BCL2: variants seen among roughly 807,000 people sequenced by gnomAD.
The protein encoded by BCL2 is apoptosis regulator Bcl-2.
A neutral mutation model predicts 14.2 loss-of-function variants in BCL2; 1 was observed. That is an observed-to-expected ratio of 0.07 (90% CI 0.02 to 0.33). The LOEUF is 0.33. Ranked by LOEUF, BCL2 falls within the 10% of genes least tolerant of loss-of-function variation. The pLI, the probability that BCL2 is intolerant of heterozygous loss-of-function variation, is 0.99. For synonymous variants in BCL2, 151 were observed against 137.2 expected, an observed-to-expected ratio of 1.10 and a Z score of -0.70; for missense variants, 247 against 305.9, an observed-to-expected ratio of 0.81 and a Z score of 1.44.
At chr18:63,223,408 A>T (rs529574859) in intron 2 of BCL2, among the ~76,000 whole-genome samples, 16 of 124,252 alleles carry the variant, frequency 1.3e-4, no homozygotes, top group Admixed American at 7.4e-4. Context: ...TCAAAAAAAA[A>T]AAATAAATAA....
intron 2 of BCL2, among the ~76,000 whole-genome samples, chr18:63,313,249 A>G (rs539288211): frequency 6.6e-5 from 10 of 152,282 alleles, no homozygotes; most frequent in African/African-American, 2.4e-4. Flanking sequence ...AACCTAACCC[A>G]AGGCAGGACT....
chr18:63,253,960 C>T (rs771155507), intron 2 of BCL2, among the ~76,000 whole-genome samples: 1 of 148,804 alleles, frequency 6.7e-6, no homozygotes, highest in Non-Finnish European at 1.5e-5. Flanking sequence ...GAGGAGGATT[C>T]ATTTCCCACC....
intron 2 of BCL2, among the ~76,000 whole-genome samples, chr18:63,136,776 TATGGA>T (rs1914220472): frequency 6.6e-6 from 1 of 152,226 alleles, no homozygotes; most frequent in Non-Finnish European, 1.5e-5. Flanking sequence ...AGGTTGCTCC[TATGGA>T]ATGTCAATAC....
chr18:63,209,763 G>A (rs966872986), intron 2 of BCL2, among the ~76,000 whole-genome samples: 9 of 152,168 alleles, frequency 5.9e-5, no homozygotes, highest in African/African-American at 2.2e-4. Context: ...CTAAGACCTA[G>A]GCTGGGGCAA....
rs536427464 is a variant in BCL2, at chr18:63,294,988, C to T, written c.585+23094G>A. ...CAAGACGGTGAAACCCCCATCTCTA[C>T]TGAAAATACCAAAAAAAAAAAAAAA... On this transcript the variant is annotated intron_variant, in intron 2 of 2. Coordinates refer to ENST00000333681, the MANE Select transcript of BCL2 (RefSeq NM_000633.3). Among the ~76,000 whole-genome samples the T allele has an allele frequency of 2.6e-3, 355 of 138,086 alleles. 2 individuals are homozygous for T. The highest frequency in any genetic ancestry group is 4.1e-3 in the Non-Finnish European group (255 of 62,740). 90.6% of individuals were successfully genotyped at this position (138,086 alleles called of 152,430 possible). A position where few individuals can be genotyped will look rare whatever the true frequency, so the allele number is the denominator to read the frequency against.
At chr18:63,155,649 A>G (rs1387606056) in intron 2 of BCL2, among the ~76,000 whole-genome samples, 1 of 152,050 alleles carries the variant, frequency 6.6e-6, no homozygotes, top group African/African-American at 2.4e-5. Flanking sequence ...CGGACGTTAG[A>G]GCGAGCAGGT....
chr18:63,129,209 C>T (rs772788062), intron 2 of BCL2, among the ~76,000 whole-genome samples: 5 of 152,090 alleles, frequency 3.3e-5, no homozygotes, highest in Non-Finnish European at 7.4e-5. Flanking sequence ...TGATGATGAC[C>T]GTCACACTCC....
chr18:63,135,958 T>G (rs1163782437), intron 2 of BCL2, among the ~76,000 whole-genome samples: 1 of 152,038 alleles, frequency 6.6e-6, no homozygotes, highest in Non-Finnish European at 1.5e-5. Context: ...CTAAATTCAC[T>G]GGGTGTGAGG....
chr18:63,228,776 T>C (rs565868666), intron 2 of BCL2, among the ~76,000 whole-genome samples: 6 of 152,130 alleles, frequency 3.9e-5, no homozygotes, highest in African/African-American at 1.4e-4. Flanking sequence ...TGGCATGATC[T>C]CCGCTTACTG....
rs78548856 is a variant in BCL2, at chr18:63,201,370, G to A, written c.586-72611C>T. Among the ~76,000 whole-genome samples the A allele has an allele frequency of 1.2e-3, 183 of 152,104 alleles. 2 individuals are homozygous for A. The East Asian group carries it at 0.015, about 12-fold the overall frequency. ...CCTTATAACCCTCCCTTTTCCCACC[G>A]CCCCTAATAGAAAGTACCTTGGGGG... On this transcript the variant is annotated intron_variant, in intron 2 of 2. Coordinates refer to ENST00000333681, the MANE Select transcript of BCL2 (RefSeq NM_000633.3).
chr18:63,294,538 C>T (rs762804621), intron 2 of BCL2, among the ~76,000 whole-genome samples: 5 of 152,012 alleles, frequency 3.3e-5, no homozygotes, highest in Non-Finnish European at 7.4e-5. Flanking sequence ...GGTGTGGTGG[C>T]ACACACCTGT....
intron 2 of BCL2, among the ~76,000 whole-genome samples, chr18:63,172,917 T>C (rs1220953185): frequency 1.3e-5 from 2 of 152,254 alleles, no homozygotes; most frequent in East Asian, 3.8e-4. Context: ...TCCGCATTCA[T>C]TCCTCCTTTA....
intron 2 of BCL2, among the ~76,000 whole-genome samples, chr18:63,212,771 G>A (rs1288444924): frequency 6.6e-6 from 1 of 152,072 alleles, no homozygotes; most frequent in Non-Finnish European, 1.5e-5. Context: ...AGTTACTCAG[G>A]AGGCTGAGGC....
intron 2 of BCL2, among the ~76,000 whole-genome samples, chr18:63,266,213 C>A (rs1911819537): frequency 6.6e-6 from 1 of 151,908 alleles, no homozygotes; most frequent in African/African-American, 2.4e-5. Flanking sequence ...TATATCCCTA[C>A]AATGGGCTAT....
chr18:63,190,725 A>G (rs1156238019), intron 2 of BCL2, among the ~76,000 whole-genome samples: 13 of 151,990 alleles, frequency 8.6e-5, no homozygotes, highest in Non-Finnish European at 1.6e-4. Flanking sequence ...AAGTTCTGGG[A>G]TACATGTGCA....
chr18:63,193,300 T>C (rs1909337951), intron 2 of BCL2, among the ~76,000 whole-genome samples: 1 of 152,330 alleles, frequency 6.6e-6, no homozygotes, highest in South Asian at 2.1e-4. Context: ...GTGACATTTG[T>C]GTGTGTCTGT....
intron 2 of BCL2, among the ~76,000 whole-genome samples, chr18:63,290,787 G>T (rs532149284): frequency 5.3e-5 from 8 of 152,306 alleles, no homozygotes; most frequent in Non-Finnish European, 7.4e-5. Context: ...CAATGGAAAA[G>T]AATAACCTAA....
At chr18:63,171,706 T>C (rs893767055) in intron 2 of BCL2, among the ~76,000 whole-genome samples, 3 of 152,228 alleles carry the variant, frequency 2.0e-5, no homozygotes, top group African/African-American at 7.2e-5. Flanking sequence ...GCCAGGCACA[T>C]AGCTCATGCC....
chr18:63,152,543 G>A (rs1914674968), intron 2 of BCL2, among the ~76,000 whole-genome samples: 1 of 152,196 alleles, frequency 6.6e-6, no homozygotes. Flanking sequence ...AAACAGACAT[G>A]ACAATGACCA....
Sources: allele counts gnomAD v4.1 joint callset (sites outside exome capture counted in the v4.1 genomes callset), GRCh38; gene constraint gnomAD v4.1.1; transcripts MANE v1.5; gene names NCBI Gene and HGNC (gene_info 2026-07-23, HGNC 2026-07-21).